Variants in FLI1 observed in about 807,000 individuals in gnomAD.
FLI1 encodes Friend leukemia integration 1 transcription factor.
In FLI1, 13 loss-of-function variants were observed where a neutral mutation model predicts 53.1. The observed-to-expected ratio is 0.24, with a 90% CI of 0.16 to 0.39. FLI1 has a LOEUF of 0.39. Among genes scored for constraint, FLI1 ranks in the 10% least tolerant of loss-of-function variants. The probability of loss-of-function intolerance (pLI) is 1.00; values close to 1 mark genes in which losing one functional copy is unlikely to be tolerated. For synonymous variants in FLI1, 244 were observed against 236.7 expected (o/e 1.03, Z -0.28); for missense variants, 424 against 600.5 (o/e 0.71, Z 3.07).
At chr11:128,767,683 G>T (rs987074499) in intron 2 of FLI1, among the ~76,000 whole-genome samples, 1 of 152,190 alleles carries the variant, frequency 6.6e-6, no homozygotes, top group Non-Finnish European at 1.5e-5. Context: ...GTCAGGGGGC[G>T]CAGGCCAAGC....
chr11:128,713,078 T>C (rs1938857134), intron 1 of FLI1, among the ~76,000 whole-genome samples: 1 of 152,186 alleles, frequency 6.6e-6, no homozygotes, highest in Non-Finnish European at 1.5e-5. Flanking sequence ...CATCACTGAA[T>C]GGCATAAATT....
At chr11:128,703,558 T>A (rs1454797041) in intron 1 of FLI1, among the ~76,000 whole-genome samples, 1 of 152,004 alleles carries the variant, frequency 6.6e-6, no homozygotes, top group East Asian at 1.9e-4. Context: ...AGTTCCAAAA[T>A]ATTGGGCCGG....
At chr11:128,728,873 G>T (rs1051581329) in intron 1 of FLI1, among the ~76,000 whole-genome samples, 26 of 152,334 alleles carry the variant, frequency 1.7e-4, no homozygotes, top group African/African-American at 5.8e-4. Context: ...CAAGGGTGGG[G>T]TGAAGGAAAT....
intron 4 of FLI1, among the ~76,000 whole-genome samples, chr11:128,773,880 C>A (rs1941651425): frequency 6.6e-6 from 1 of 151,882 alleles, no homozygotes; most frequent in African/African-American, 2.4e-5. Flanking sequence ...TACGTAAGAG[C>A]ATTCTAGCAG....
rs140908585 is a variant in FLI1 at position 128,695,635 on chromosome 11, G to A, written c.18+1359G>A. Reference sequence around the variant, plus strand: ...TAAAAGACACCAACCGAAGGAACTTGCAAATCTGGAGATGAGATAACTGAC... The same window carrying A: ...TAAAAGACACCAACCGAAGGAACTTACAAATCTGGAGATGAGATAACTGAC... On this transcript the variant is annotated intron_variant, in intron 1 of 8. Transcript: ENST00000527786. 7.9e-5 allele frequency among the ~76,000 whole-genome samples: 12 copies of A among 152,258 alleles called. No individual in the cohort carries two copies. In the East Asian group the frequency reaches 1.9e-3, roughly 25 times the overall value.
At chr11:128,771,076 T>C (rs1269142190) in intron 3 of FLI1, among the ~76,000 whole-genome samples, 1 of 152,212 alleles carries the variant, frequency 6.6e-6, no homozygotes, top group African/African-American at 2.4e-5. Flanking sequence ...CGATGGGGCT[T>C]TGGGCAAAGG....
At chr11:128,799,020 A>AT (rs1942535316) in intron 5 of FLI1, among the ~76,000 whole-genome samples, 1 of 139,348 alleles carries the variant, frequency 7.2e-6, no homozygotes, top group Non-Finnish European at 1.5e-5. Context: ...TTATTTTATT[A>AT]TATTATTATT....
At position 128,758,255 on chromosome 11, in the gene FLI1, A is replaced by T. The variant is rs1470881531; in HGVS notation, c.159A>T (p.Pro53=). ...CCCACAAGATCAACCCCCTCCCACCACAGCAGGAGTGGATCAATCAGCCAG... is the reference window on the plus strand; with the variant it reads ...CCCACAAGATCAACCCCCTCCCACCTCAGCAGGAGTGGATCAATCAGCCAG... ...GQPHKINPLP[P]QQEWINQPVR... The change falls in exon 2 of 9, where the codon CCA becomes CCT. Residue 53 remains proline, a synonymous_variant. Coordinates refer to ENST00000527786, the MANE Select transcript of FLI1 (RefSeq NM_002017.5). 3.7e-6 allele frequency: 6 copies of T among 1,613,496 alleles called. No individual in the cohort carries two copies. The highest frequency in any genetic ancestry group is 4.2e-6 in the Non-Finnish European group (5 of 1,179,760).
intron 1 of FLI1, among the ~76,000 whole-genome samples, chr11:128,712,162 C>A (rs1938806588): frequency 6.6e-6 from 1 of 152,186 alleles, no homozygotes; most frequent in Non-Finnish European, 1.5e-5. Context: ...GAAGTGAGTT[C>A]TGGCTCAGTT....
intron 5 of FLI1, among the ~76,000 whole-genome samples, chr11:128,803,630 A>G (rs982282708): frequency 1.8e-4 from 28 of 152,126 alleles, no homozygotes; most frequent in Non-Finnish European, 4.0e-4. Context: ...TCATACTCAC[A>G]TGCAAGGACG....
intron 1 of FLI1, among the ~76,000 whole-genome samples, chr11:128,740,103 A>G (rs1940071504): frequency 6.6e-6 from 1 of 152,208 alleles, no homozygotes; most frequent in African/African-American, 2.4e-5. Flanking sequence ...AAGCGCAGAA[A>G]GCAATCTCCC....
rs142101073 is a variant in FLI1, at chr11:128,741,896, G to T, written c.19-16219G>T. 7.3e-4 allele frequency among the ~76,000 whole-genome samples: 111 copies of T among 152,254 alleles called. 1 individual carries two copies. Among genetic ancestry groups the T allele is most frequent in the African/African-American group, 2.2e-3 (91 of 41,542 alleles). On this transcript the variant is annotated intron_variant, in intron 1 of 8. Transcript: ENST00000527786. ...AGTGGGGGAGGCTGGGGAAGCTTGT[G>T]CCTGGACTGTCTCGGGAGCTCCCAG...
chr11:128,689,508 C>A (rs749005236), upstream of FLI1, among the ~76,000 whole-genome samples: 4 of 152,184 alleles, frequency 2.6e-5, no homozygotes, highest in Admixed American at 6.5e-5. Context: ...GTCCCCCGGA[C>A]GAAAGGAGGT....
intron 1 of FLI1, among the ~76,000 whole-genome samples, chr11:128,725,205 T>C (rs894054353): frequency 2.0e-4 from 30 of 152,244 alleles, no homozygotes; most frequent in Non-Finnish European, 3.8e-4. Context: ...TAAAGATATA[T>C]GGCTGCATAG....
chr11:128,770,453 G>A (rs929315805), intron 3 of FLI1, among the ~76,000 whole-genome samples: 6 of 152,326 alleles, frequency 3.9e-5, no homozygotes, highest in Non-Finnish European at 5.9e-5. Context: ...TTTATGATGG[G>A]ATTTAAAGAC....
chr11:128,808,560 G>C (rs1942851045), intron 7 of FLI1, among the ~76,000 whole-genome samples: 2 of 152,196 alleles, frequency 1.3e-5, no homozygotes, highest in South Asian at 4.1e-4. Context: ...TCAAATCACA[G>C]AGTGTTATAC....
chr11:128,693,931 G>T, upstream of FLI1: 1 of 280,530 alleles, frequency 3.6e-6, no homozygotes. Context: ...AGAGAGAGGA[G>T]AGCTCGAGGC....
At chr11:128,731,734 C>A (rs556536734) in intron 1 of FLI1, among the ~76,000 whole-genome samples, 78 of 152,232 alleles carry the variant, frequency 5.1e-4, no homozygotes, top group South Asian at 1.5e-3. Context: ...TGGGGCGCAG[C>A]GGCTCAGGCC....
At chr11:128,696,160 G>A (rs1297756181) in intron 1 of FLI1, 1 of 152,240 alleles carries the variant, frequency 6.6e-6, no homozygotes, top group African/African-American at 2.4e-5. Context: ...GCCAAGGATG[G>A]GAGTGAAAGT....
Sources: allele counts gnomAD v4.1 joint callset (sites outside exome capture counted in the v4.1 genomes callset), GRCh38; gene constraint gnomAD v4.1.1; transcripts MANE v1.5; gene names NCBI Gene and HGNC (gene_info 2026-07-23, HGNC 2026-07-21).